Variants in BTBD17 observed in about 807,000 individuals in gnomAD.
BTBD17 encodes BTB domain containing 17, also known as BTB/POZ domain-containing protein 17.
Under a neutral mutation model 36.9 loss-of-function variants are expected in BTBD17, and 26 were observed. The observed-to-expected ratio is 0.70, with a 90% confidence interval of 0.52 to 0.98. The LOEUF (loss-of-function observed/expected upper bound fraction) is 0.98. Ranked by LOEUF, BTBD17 falls within the 50% of genes least tolerant of loss-of-function variation. The pLI is 0.00. For synonymous variants in BTBD17, 341 were observed against 338.0 expected (o/e 1.01, Z -0.10); for missense variants, 630 against 691.3 (o/e 0.91, Z 0.99).
Position 74,356,430 on chromosome 17 carries a change from C to T in BTBD17, c.*227G>A. 3.1e-6 allele frequency: 2 copies of T among 647,480 alleles called. No individual in the cohort carries two copies. Among genetic ancestry groups the T allele is most frequent in the Non-Finnish European group, 4.4e-6 (2 of 452,782 alleles). 40.1% of individuals were successfully genotyped at this position (647,480 alleles called of 1,614,324 possible). Reference sequence around the variant, plus strand: ...TCAATCATCCCTTTACCACTCTGAGCATCGGTTTATTCAGGACCAAGAACG... The same window carrying T: ...TCAATCATCCCTTTACCACTCTGAGTATCGGTTTATTCAGGACCAAGAACG... On this transcript the variant is annotated 3_prime_UTR_variant, in exon 3 of 3. Coordinates refer to ENST00000375366, the MANE Select transcript of BTBD17 (RefSeq NM_001080466.2). The surrounding 1 kb of genome is among the most constrained non-coding windows in gnomAD (Gnocchi z 4.3).
Position 74,357,212 on chromosome 17 carries a change from G to A in BTBD17, c.882C>T (p.Ala294=). The part of the protein sequence containing the change: ...DLLLQAYQFH[A]ASPLHYAKFF... ...ACTTGGCGTAGTGCAGCGGCGACGC[G>A]GCGTGGAACTGGTAGGCCTGCAGCA... is the stretch of plus-strand genomic sequence containing the variant. The change falls in exon 3 of 3, where the codon GCC becomes GCT. Residue 294 remains alanine, a synonymous_variant. Transcript: ENST00000375366. The surrounding 1 kb of genome is among the most constrained non-coding windows in gnomAD (Gnocchi z 8.4). The A allele has an allele frequency of 6.4e-7, 1 of 1,573,152 alleles. No homozygotes were observed. Among genetic ancestry groups the A allele is most frequent in the Admixed American group, 1.8e-5 (1 of 54,366 alleles).
Position 74,357,281 on chromosome 17 carries a change from G to A in BTBD17, c.813C>T (p.Arg271=), listed in dbSNP as rs2054901610. ...GGCCGTGGCGCGCCAGGGCTGCCGA[G>A]CGCGCCTGCAGCTGGAACAGCTGTG... ...PPAQLFQLQA[R]SAALARHGPA... is the part of the protein sequence containing the mutation. The change falls in exon 3 of 3, where the codon CGC becomes CGT. Residue 271 remains arginine (R), a synonymous_variant. Coordinates refer to ENST00000375366, the MANE Select transcript of BTBD17 (RefSeq NM_001080466.2). This position sits in a 1 kb window ranked among gnomAD's most constrained non-coding sequence, Gnocchi z 8.4. 3 of 1,557,772 alleles carry A rather than the reference G, an allele frequency of 1.9e-6. No homozygotes were observed. The highest frequency in any genetic ancestry group is 2.8e-5 in the African/African-American group (2 of 71,114).
At position 74,360,020 on chromosome 17, in the gene BTBD17, G is replaced by T; in HGVS notation, c.311C>A (p.Ala104Glu). The change falls in exon 2 of 3, where the codon GCG becomes GAG. Residue 104 changes from alanine (A) to glutamate (E), a missense_variant. By Grantham distance (107) the Ala-to-Glu change is moderately radical (BLOSUM62 -1). Coordinates refer to ENST00000375366, the MANE Select transcript of BTBD17 (RefSeq NM_001080466.2). ...GCAGTCCTGTGGCTCCTGCAGCACCGCCTCGCTCTGGTTACTTAGCAGCTC... is the reference window on the plus strand; with the variant it reads ...GCAGTCCTGTGGCTCCTGCAGCACCTCCTCGCTCTGGTTACTTAGCAGCTC... ...FLELLSNQSE[A>E]VLQEPQDCAA... The T allele has an allele frequency of 1.9e-6, 3 of 1,612,382 alleles. No homozygotes were observed. The highest frequency in any genetic ancestry group is 2.5e-6 in the Non-Finnish European group (3 of 1,179,990).
intron 1 of BTBD17, 85 bp downstream of exon 1, chr17:74,361,649 GC>G: frequency 1.8e-6 from 2 of 1,091,326 alleles, no homozygotes; most frequent in East Asian, 2.5e-5. Flanking sequence ...GCTGGACACC[GC>G]CCCCTCCTGG....
chr17:74,362,967 T>C (rs9912942), upstream of BTBD17, among the ~76,000 whole-genome samples: 5,836 of 97,314 alleles, frequency 0.06, 275 homozygotes, highest in African/African-American at 0.23. Context: ...CGCGCGCGCA[T>C]GTGTGTGTGT....
intron 1 of BTBD17, among the ~76,000 whole-genome samples, chr17:74,361,169 G>A (rs1220799779): frequency 6.6e-6 from 1 of 152,246 alleles, no homozygotes; most frequent in Non-Finnish European, 1.5e-5. Context: ...TTATGCTCCA[G>A]GATGCCCCGA....
intron 2 of BTBD17, among the ~76,000 whole-genome samples, chr17:74,359,351 T>TTTTG (rs201707423): frequency 1.5e-4 from 23 of 152,248 alleles, no homozygotes; most frequent in South Asian, 4.2e-4. Context: ...ACTGTAGTTT[T>TTTTG]TTTGTTTGTT....
chr17:74,357,134 G>T lies in BTBD17; in HGVS notation c.960C>A (p.Ala320=). The change falls in exon 3 of 3, where the codon GCC becomes GCA. Residue 320 remains alanine (A), a synonymous_variant. Transcript: ENST00000375366. This position sits in a 1 kb window ranked among gnomAD's most constrained non-coding sequence, Gnocchi z 8.4. ...TGTTGATGACCCACGGGGCGCCCCAGGCGGGCGCGAGGTAGTTGCGGGGCA... is the reference window on the plus strand; with the variant it reads ...TGTTGATGACCCACGGGGCGCCCCATGCGGGCGCGAGGTAGTTGCGGGGCA... ...AFLPRNYLAP[A]WGAPWVINNP... The T allele has an allele frequency of 6.5e-7, 1 of 1,530,742 alleles. No homozygotes were observed. Among genetic ancestry groups the T allele is most frequent in the Non-Finnish European group, 8.7e-7 (1 of 1,146,394 alleles). 94.8% of individuals were successfully genotyped at this position (1,530,742 alleles called of 1,614,324 possible).
chr17:74,356,594 G>T lies in BTBD17; in HGVS notation c.*63C>A. 1 of 1,379,272 alleles carries T rather than the reference G, an allele frequency of 7.3e-7. No individual in the cohort carries two copies. Among genetic ancestry groups the T allele is most frequent in the Non-Finnish European group, 9.4e-7 (1 of 1,062,932 alleles). The allele number at this position is 1,379,272 out of a possible 1,614,324, so 85.4% of individuals were successfully genotyped here. ...CAGGCTTGTTGCCACCTCCAGGCTC[G>T]CCTTGCCCTTCCCAGACCCACAGGG... On this transcript the variant is annotated 3_prime_UTR_variant, in exon 3 of 3. Coordinates refer to ENST00000375366, the MANE Select transcript of BTBD17 (RefSeq NM_001080466.2). The surrounding 1 kb of genome is among the most constrained non-coding windows in gnomAD (Gnocchi z 4.3).
chr17:74,362,816 C>T (rs1244756892), upstream of BTBD17, among the ~76,000 whole-genome samples: 3 of 152,200 alleles, frequency 2.0e-5, no homozygotes, highest in Non-Finnish European at 4.4e-5. Context: ...AGGCATGCTG[C>T]AGACCTGGTG....
At chr17:74,361,702 C>T (rs751294271) in intron 1 of BTBD17, 33 bp downstream of exon 1, 39 of 1,590,398 alleles carry the variant, frequency 2.5e-5, no homozygotes, top group Non-Finnish European at 3.1e-5. Context: ...TGCCGCTCCA[C>T]CCTGCCCCGC....
rs781643746 is a variant in BTBD17 at position 74,360,064 on chromosome 17, C to T, written c.267G>A (p.Leu89=). Reference sequence around the variant, plus strand: ...GCAGCTCCAGGAACAGCTCACTGTGCAGTCCCAGCAGCAGGCGGTGGGCGT... The same window carrying T: ...GCAGCTCCAGGAACAGCTCACTGTGTAGTCCCAGCAGCAGGCGGTGGGCGT... The part of the protein sequence containing the change: ...VFHAHRLLLG[L]HSELFLELLS... Residue 89 remains leucine, a synonymous_variant, in exon 2 of 3, where the codon CTG becomes CTA. Transcript: ENST00000375366. 8.7e-6 allele frequency: 14 copies of T among 1,613,042 alleles called. No homozygotes were observed. The South Asian group carries it at 1.1e-4, about 13-fold the overall frequency.
At position 74,357,712 on chromosome 17, in the gene BTBD17, G is replaced by A. The variant is rs1001394712; in HGVS notation, c.382C>T (p.Leu128=). 2 of 1,543,612 alleles carry A rather than the reference G, an allele frequency of 1.3e-6. No homozygotes were observed. The highest frequency in any genetic ancestry group is 2.0e-5 in the Admixed American group (1 of 50,992). The change falls in exon 3 of 3, where the codon CTG becomes TTG. Residue 128 remains leucine (L), a synonymous_variant. Transcript: ENST00000375366. This position sits in a 1 kb window ranked among gnomAD's most constrained non-coding sequence, Gnocchi z 8.4. The stretch of plus-strand genomic sequence containing the variant: ...ATGGCCTGGGTCAGCAGCACGGTCA[G>A]CTCCCCGCAGTACAGGTACCTGCGG... ...KFIRYLYCGE[L]TVLLTQAIPL...
At chr17:74,358,286 T>G (rs2054912266) in intron 2 of BTBD17, among the ~76,000 whole-genome samples, 1 of 151,358 alleles carries the variant, frequency 6.6e-6, no homozygotes, top group African/African-American at 2.4e-5. Context: ...AGGCCAGGAG[T>G]TCAAGACCAG....
rs747941641 is a variant in BTBD17 at position 74,361,713 on chromosome 17, A to C, written c.85+22T>G. 8.7e-6 allele frequency: 14 copies of C among 1,604,324 alleles called. No homozygotes were observed. The East Asian group carries it at 1.8e-4, about 21-fold the overall frequency. ...GACCTGCCGCTCCACCCTGCCCCGC[A>C]CCTGGCCCACTGCCCGCTCACCTGC... On this transcript the variant is annotated intron_variant, in intron 1 of 2. Coordinates refer to ENST00000375366, the MANE Select transcript of BTBD17 (RefSeq NM_001080466.2).
chr17:74,361,188 T>A (rs1470522070), intron 1 of BTBD17, among the ~76,000 whole-genome samples: 2 of 152,206 alleles, frequency 1.3e-5, no homozygotes, highest in Non-Finnish European at 2.9e-5. Context: ...GACAGTCAGA[T>A]GGGGATATGC....
rs201086520 is a variant in BTBD17, at chr17:74,356,849, C to G, written c.1245G>C (p.Val415=). The G allele has an allele frequency of 1.1e-4, 164 of 1,550,618 alleles. 2 individuals carry two copies. The East Asian group carries it at 3.9e-3, about 37-fold the overall frequency. ...GCAGGCGGCCCTGCTGGCGCGCCCC[C>G]ACCAGCACCGTCTTCTGGAAGCTCA... ...AGVSFQKTVL[V]GARQQGRLLV... Residue 415 remains valine (V), a synonymous_variant, in exon 3 of 3, where the codon GTG becomes GTC. Transcript: ENST00000375366. The surrounding 1 kb of genome is among the most constrained non-coding windows in gnomAD (Gnocchi z 4.3).
At chr17:74,361,656 C>T (rs2054939351) in intron 1 of BTBD17, 79 bp downstream of exon 1, 17 of 1,228,442 alleles carry the variant, frequency 1.4e-5, no homozygotes, top group Non-Finnish European at 2.0e-5. Flanking sequence ...ACCGCCCCCT[C>T]CTGGCCGGCC....
intron 2 of BTBD17, among the ~76,000 whole-genome samples, chr17:74,359,285 G>A (rs1467530972): frequency 6.6e-6 from 1 of 152,188 alleles, no homozygotes. Flanking sequence ...AATAAAAAAT[G>A]ATTGCTGGCC....
Sources: allele counts gnomAD v4.1 joint callset (sites outside exome capture counted in the v4.1 genomes callset), GRCh38; gene constraint gnomAD v4.1.1; non-coding constraint Gnocchi (gnomAD v3.1); transcripts MANE v1.5; gene names NCBI Gene and HGNC (gene_info 2026-07-23, HGNC 2026-07-21).